The following RELN variants were observed in gnomAD, a reference collection of about 807,000 sequenced individuals.
RELN encodes reelin.
RELN carries 108 observed loss-of-function variants against 427.6 expected under a neutral mutation model. The observed-to-expected ratio is 0.25, with a 90% CI of 0.22 to 0.30. The LOEUF (loss-of-function observed/expected upper bound fraction) is 0.30, where lower values mean the gene tolerates loss of function less well. Among genes scored for constraint, RELN ranks in the 10% least tolerant of loss-of-function variants. The pLI is 1.00. For missense variants in RELN, 3,715 were observed against 4,302.8 expected, an observed-to-expected ratio of 0.86 and a Z score of 3.82; for synonymous variants, 1,524 against 1,513.4, an observed-to-expected ratio of 1.01 and a Z score of -0.16.
At chr7:103,538,728 G>A (rs979252486) in intron 45 of RELN, among the ~76,000 whole-genome samples, 1 of 152,086 alleles carries the variant, frequency 6.6e-6, no homozygotes, top group Admixed American at 6.5e-5. Context: ...TATGTGATGA[G>A]AGTCCTTACT....
At chr7:103,741,894 T>C (rs1238592143) in intron 6 of RELN, among the ~76,000 whole-genome samples, 1 of 152,126 alleles carries the variant, frequency 6.6e-6, no homozygotes, top group African/African-American at 2.4e-5. Flanking sequence ...TTTCTGCATT[T>C]CCAAGTGAGC....
chr7:103,890,172 T>G (rs1259110272), intron 2 of RELN, among the ~76,000 whole-genome samples: 2 of 150,996 alleles, frequency 1.3e-5, no homozygotes, highest in Non-Finnish European at 2.9e-5. Flanking sequence ...TATACCTATG[T>G]CTTGGATCTG....
chr7:103,693,782 G>A (rs1255855411), intron 10 of RELN, among the ~76,000 whole-genome samples: 4 of 152,072 alleles, frequency 2.6e-5, no homozygotes, highest in African/African-American at 9.7e-5. Flanking sequence ...GATGATCCTT[G>A]GTTCCAACAT....
chr7:103,758,542 T>G, intron 4 of RELN, among the ~76,000 whole-genome samples: 1 of 151,794 alleles, frequency 6.6e-6, no homozygotes, highest in Non-Finnish European at 1.5e-5. Flanking sequence ...GCCAAATTTC[T>G]TTAAAACTAT....
intron 20 of RELN, among the ~76,000 whole-genome samples, chr7:103,625,708 T>C (rs114971335): frequency 0.012 from 1,821 of 151,680 alleles, 60 homozygotes; most frequent in African/African-American, 0.042. Flanking sequence ...AAGAAAAAAA[T>C]TAAAAAAGAT....
intron 8 of RELN, among the ~76,000 whole-genome samples, chr7:103,708,308 C>G (rs1789682193): frequency 6.6e-6 from 1 of 152,044 alleles, no homozygotes; most frequent in African/African-American, 2.4e-5. Flanking sequence ...TCTTGTGATT[C>G]AGACTCATTT....
At chr7:103,694,777 A>T (rs949253664) in intron 10 of RELN, among the ~76,000 whole-genome samples, 24 of 151,632 alleles carry the variant, frequency 1.6e-4, no homozygotes, top group African/African-American at 5.8e-4. Flanking sequence ...GTCCCATCTC[A>T]GCCTCTGGAG....
intron 2 of RELN, among the ~76,000 whole-genome samples, chr7:103,907,177 G>A (rs1795225720): frequency 1.3e-5 from 2 of 151,304 alleles, no homozygotes; most frequent in African/African-American, 2.4e-5. Flanking sequence ...CAACACCTTG[G>A]GAGGCCGAGG....
At position 103,535,409 on chromosome 7, in the gene RELN, A is replaced by G. The variant is rs777442978; in HGVS notation, c.7256T>C (p.Val2419Ala). 3.7e-6 allele frequency: 6 copies of G among 1,614,058 alleles called. No homozygotes were observed. The highest frequency in any genetic ancestry group is 5.1e-6 in the Non-Finnish European group (6 of 1,179,930). The change falls in exon 46 of 65, where the codon GTG becomes GCG. Residue 2419 changes from valine to alanine, a missense_variant. Transcript: ENST00000428762. ...PLVRDCLPTN[V>A]ECSRYHLQRI... ...TTGCAGATGATAGCGACTGCATTCC[A>G]CATTGGTAGGCAGACAGTCCCTTAC...
intron 11 of RELN, among the ~76,000 whole-genome samples, chr7:103,670,069 TA>T (rs2115616190): frequency 6.6e-6 from 1 of 152,288 alleles, no homozygotes; most frequent in East Asian, 1.9e-4. Flanking sequence ...AAAAGAGTAA[TA>T]TTTTTGTAAG....
intron 2 of RELN, among the ~76,000 whole-genome samples, chr7:103,895,860 A>C (rs1794948310): frequency 6.6e-6 from 1 of 152,162 alleles, no homozygotes; most frequent in Non-Finnish European, 1.5e-5. Context: ...AATTTATCAA[A>C]ATAAACTACT....
rs201873652 is a variant in RELN, at chr7:103,777,883, TCACACACACA to T, written c.474-1266_474-1257del. 9.7e-5 allele frequency among the ~76,000 whole-genome samples: 14 copies of T among 143,976 alleles called. No individual in the cohort carries two copies. In the South Asian group the frequency reaches 2.5e-3, roughly 26 times the overall value. The allele number at this position is 143,976 out of a possible 152,430, so 94.5% of individuals were successfully genotyped here. Reference sequence around the variant, plus strand: ...TTTCAGCAGTGAAAGTGTTATACCTTCACACACACACACACACACACACACACACACAATG... The same window carrying T: ...TTTCAGCAGTGAAAGTGTTATACCTTCACACACACACACACACACACAATG... On this transcript the variant is annotated intron_variant, in intron 3 of 64. Transcript: ENST00000428762.
At chr7:103,478,352 A>G in intron 64 of RELN, 37 bp downstream of exon 64, 1 of 753,876 alleles carries the variant, frequency 1.3e-6, no homozygotes, top group South Asian at 1.4e-5. Context: ...TGAAACTATT[A>G]GTAAACAGTT....
Position 103,879,676 on chromosome 7 carries a change from C to T in RELN, c.337+37399G>A, listed in dbSNP as rs140369444. Among the ~76,000 whole-genome samples, 239 of 152,268 alleles carry T rather than the reference C, an allele frequency of 1.6e-3. 11 individuals are homozygous for T. The East Asian group carries it at 0.04, about 25-fold the overall frequency. Reference sequence around the variant, plus strand: ...AACAGATGGCCCAGTCTGCAACATACGCATTTTCATCATTTTGCAGTTTCT... The same window carrying T: ...AACAGATGGCCCAGTCTGCAACATATGCATTTTCATCATTTTGCAGTTTCT... On this transcript the variant is annotated intron_variant, in intron 2 of 64. Coordinates refer to ENST00000428762, the MANE Select transcript of RELN (RefSeq NM_005045.4).
At chr7:103,478,329 T>C (rs1484251748) in intron 64 of RELN, 60 bp downstream of exon 64, 9 of 725,302 alleles carry the variant, frequency 1.2e-5, no homozygotes, top group Non-Finnish European at 2.0e-5. Context: ...TCAGTTAAGT[T>C]TGGTGTCACT....
chr7:103,975,690 C>T (rs1175593040), intron 1 of RELN, among the ~76,000 whole-genome samples: 1 of 150,704 alleles, frequency 6.6e-6, no homozygotes, highest in Non-Finnish European at 1.5e-5. Flanking sequence ...GGACTACAGG[C>T]ACCCGCCACC....
intron 28 of RELN, among the ~76,000 whole-genome samples, chr7:103,582,864 T>A (rs1034230955): frequency 6.6e-6 from 1 of 152,222 alleles, no homozygotes; most frequent in African/African-American, 2.4e-5. Flanking sequence ...TCAATCTCTA[T>A]GGTTTAACCT....
chr7:103,623,507 T>C (rs1338521856), intron 20 of RELN, among the ~76,000 whole-genome samples: 2 of 152,218 alleles, frequency 1.3e-5, no homozygotes, highest in African/African-American at 4.8e-5. Context: ...AACCAAGGAA[T>C]ACAGCTATCT....
At chr7:103,688,334 C>T (rs776006461) in intron 10 of RELN, among the ~76,000 whole-genome samples, 1 of 152,046 alleles carries the variant, frequency 6.6e-6, no homozygotes, top group Admixed American at 6.6e-5. Flanking sequence ...TAATGCAAAG[C>T]ACATTTCTGA....
Sources: allele counts gnomAD v4.1 joint callset (sites outside exome capture counted in the v4.1 genomes callset), GRCh38; gene constraint gnomAD v4.1.1; transcripts MANE v1.5; gene names NCBI Gene and HGNC (gene_info 2026-07-23, HGNC 2026-07-21).